The following AIG1 variants were observed in gnomAD, a reference collection of about 807,000 sequenced individuals.
AIG1 encodes the protein androgen-induced gene 1 protein.
AIG1 carries 23 observed loss-of-function variants against 31.4 expected under a neutral mutation model. The observed-to-expected ratio is 0.73, with a 90% confidence interval of 0.53 to 1.04. The LOEUF (loss-of-function observed/expected upper bound fraction) is 1.04. AIG1 is among the 50% of genes least tolerant of loss of function. The pLI, the probability that AIG1 is intolerant of heterozygous loss-of-function variation, is 0.00. For missense variants in AIG1, 274 were observed against 295.0 expected (o/e 0.93, Z 0.52); for synonymous variants, 100 against 110.5 (o/e 0.90, Z 0.60).
At chr6:143,242,761 G>A (rs932101289) in intron 3 of AIG1, among the ~76,000 whole-genome samples, 1 of 152,150 alleles carries the variant, frequency 6.6e-6, no homozygotes, top group Non-Finnish European at 1.5e-5. Context: ...ATCCAAGAAA[G>A]ATAAACTTAG....
chr6:143,289,412 A>G (rs2128686073), intron 4 of AIG1, among the ~76,000 whole-genome samples: 1 of 152,260 alleles, frequency 6.6e-6, no homozygotes, highest in African/African-American at 2.4e-5. Context: ...TCCAAAAAGG[A>G]GAGGGTACAA....
At chr6:143,141,105 C>T (rs913288872) in intron 2 of AIG1, among the ~76,000 whole-genome samples, 1 of 152,162 alleles carries the variant, frequency 6.6e-6, no homozygotes, top group Non-Finnish European at 1.5e-5. Flanking sequence ...TGGCATCGGG[C>T]ATAAAAAGAA....
At chr6:143,156,420 C>T (rs973936304) in intron 2 of AIG1, among the ~76,000 whole-genome samples, 3 of 152,156 alleles carry the variant, frequency 2.0e-5, no homozygotes, top group African/African-American at 7.2e-5. Flanking sequence ...GTGTAGAGTG[C>T]ATTTTACATG....
At chr6:143,171,485 TTAA>T (rs1787586495) in intron 3 of AIG1, among the ~76,000 whole-genome samples, 1 of 121,914 alleles carries the variant, frequency 8.2e-6, no homozygotes, top group Non-Finnish European at 1.6e-5. Flanking sequence ...ATAATATATA[TTAA>T]ATATATAATA....
intron 2 of AIG1, among the ~76,000 whole-genome samples, chr6:143,161,943 A>T (rs80246406): frequency 7.9e-5 from 12 of 152,144 alleles, no homozygotes; most frequent in Admixed American, 4.6e-4. Flanking sequence ...TGCAGATCAC[A>T]GGCAGTGCAA....
In AIG1 at chr6:143,325,189, C is replaced by A. The variant is rs1167601594; in HGVS notation, c.516-8093C>A. Among the ~76,000 whole-genome samples the A allele has an allele frequency of 6.6e-6, 1 of 152,190 alleles. No homozygotes were observed. The highest frequency in any genetic ancestry group is 1.5e-5 in the Non-Finnish European group (1 of 68,026). On this transcript the variant is annotated intron_variant, in intron 4 of 5. Coordinates refer to ENST00000357847, the MANE Select transcript of AIG1 (RefSeq NM_016108.4). The surrounding 1 kb of genome is among the most constrained non-coding windows in gnomAD (Gnocchi z 4.3). ...TGTCCCTTGGCTTTACAACATCACACTTTTCTATTTTGCTTCCCTGTTACT... is the reference window on the plus strand; with the variant it reads ...TGTCCCTTGGCTTTACAACATCACAATTTTCTATTTTGCTTCCCTGTTACT...
intron 5 of AIG1, chr6:143,335,028 C>T: frequency 7.4e-7 from 1 of 1,355,908 alleles, no homozygotes. Flanking sequence ...GATTGACTAA[C>T]TTTTTTTAAA....
intron 3 of AIG1, among the ~76,000 whole-genome samples, chr6:143,230,695 G>A (rs1379130953): frequency 6.6e-6 from 1 of 151,734 alleles, no homozygotes; most frequent in Non-Finnish European, 1.5e-5. Flanking sequence ...TTATTACTTA[G>A]ATGGTCAGTA....
At chr6:143,335,131 C>T in intron 5 of AIG1, 1 of 1,411,606 alleles carries the variant, frequency 7.1e-7, no homozygotes, top group South Asian at 1.8e-5. Flanking sequence ...TAAGTATCAT[C>T]CTCATTTACA....
At chr6:143,097,575 C>T (rs764728776) in intron 1 of AIG1, among the ~76,000 whole-genome samples, 1 of 152,180 alleles carries the variant, frequency 6.6e-6, no homozygotes, top group Non-Finnish European at 1.5e-5. Flanking sequence ...GCGCTCCGTA[C>T]TGTGCTGACC....
At chr6:143,143,531 AT>A (rs1784452120) in intron 2 of AIG1, among the ~76,000 whole-genome samples, 31 of 99,764 alleles carry the variant, frequency 3.1e-4, no homozygotes, top group African/African-American at 8.2e-4. Flanking sequence ...AAAAAAAAAT[AT>A]ATATATATAT....
rs546501600 is a variant in AIG1, at chr6:143,144,452, T to G, written c.297+7462T>G. Among the ~76,000 whole-genome samples the G allele has an allele frequency of 8.5e-4, 129 of 152,256 alleles. 1 individual carries two copies. Among genetic ancestry groups the G allele is most frequent in the African/African-American group, 3.1e-3 (127 of 41,520 alleles). On this transcript the variant is annotated intron_variant, in intron 2 of 5. Transcript: ENST00000357847. ...GTCATGAGTATAATAATACATGTGT[T>G]TAAGGTGCAGAGAAGTATCCCCAAA... is the stretch of plus-strand genomic sequence containing the variant.
intron 4 of AIG1, among the ~76,000 whole-genome samples, chr6:143,319,507 A>G (rs2128714010): frequency 6.6e-6 from 1 of 152,310 alleles, no homozygotes. Context: ...ATAAAAAACT[A>G]CACGTTGGGT....
intron 3 of AIG1, among the ~76,000 whole-genome samples, chr6:143,251,540 G>A (rs1182403628): frequency 6.6e-6 from 1 of 152,008 alleles, no homozygotes; most frequent in East Asian, 1.9e-4. Flanking sequence ...GTAACACCTT[G>A]ACCAAGCCTT....
chr6:143,296,272 C>T (rs1798421819), intron 4 of AIG1, among the ~76,000 whole-genome samples: 1 of 152,214 alleles, frequency 6.6e-6, no homozygotes, highest in African/African-American at 2.4e-5. Context: ...ACAGACTGCG[C>T]TCCTTGCCAG....
At chr6:143,220,333 A>G (rs2128622829) in intron 3 of AIG1, among the ~76,000 whole-genome samples, 1 of 152,266 alleles carries the variant, frequency 6.6e-6, no homozygotes, top group East Asian at 1.9e-4. Context: ...GAATCCCTCT[A>G]CACGCACTGA....
chr6:143,082,107 G>C (rs1778316193), intron 1 of AIG1, among the ~76,000 whole-genome samples: 1 of 152,172 alleles, frequency 6.6e-6, no homozygotes, highest in African/African-American at 2.4e-5. Context: ...CCATATTGCT[G>C]CATGGGCATG....
At chr6:143,189,619 A>G (rs1383292133) in intron 3 of AIG1, 2 of 985,212 alleles carry the variant, frequency 2.0e-6, no homozygotes, top group African/African-American at 3.5e-5. Context: ...GTTTTACCCT[A>G]CTATCTTTTT....
At chr6:143,170,587 G>GT (rs35615915) in intron 3 of AIG1, among the ~76,000 whole-genome samples, 130 of 147,052 alleles carry the variant, frequency 8.8e-4, no homozygotes, top group East Asian at 4.3e-3. Flanking sequence ...AAAAAAACAA[G>GT]TTTTTTTTTT....
Sources: gnomAD v4.1 joint callset for allele counts (sites outside exome capture counted in the v4.1 genomes callset) on GRCh38, gnomAD v4.1.1 for gene constraint, Gnocchi (gnomAD v3.1) non-coding constraint, MANE v1.5 for transcripts, NCBI Gene and HGNC (gene_info 2026-07-23, HGNC 2026-07-21) for gene names.